The following GFRA1 variants were observed in gnomAD, a reference collection of about 807,000 sequenced individuals.
GFRA1 encodes the protein GDNF family receptor alpha 1.
A neutral mutation model predicts 51.6 loss-of-function variants in GFRA1; 16 were observed. The ratio of observed to expected loss-of-function variants is 0.31; its 90% CI spans 0.21 to 0.47. The LOEUF is 0.47. Ranked by LOEUF, GFRA1 falls within the 20% of genes least tolerant of loss-of-function variation. The pLI, the probability that GFRA1 is intolerant of heterozygous loss-of-function variation, is 1.00. For missense variants in GFRA1, 530 were observed against 594.3 expected, an observed-to-expected ratio of 0.89 and a Z score of 1.13; for synonymous variants, 270 against 241.3, an observed-to-expected ratio of 1.12 and a Z score of -1.10.
chr10:116,214,170 C>T (rs111290978), intron 4 of GFRA1, among the ~76,000 whole-genome samples: 2 of 152,184 alleles, frequency 1.3e-5, no homozygotes, highest in Non-Finnish European at 2.9e-5. Flanking sequence ...AGCCGGCACA[C>T]CTGGAGGAGC....
intron 3 of GFRA1, among the ~76,000 whole-genome samples, 162 bp from the exon 4 acceptor site, chr10:116,269,748 T>C (rs1843746399): frequency 1.3e-5 from 2 of 152,242 alleles, no homozygotes; most frequent in African/African-American, 4.8e-5. Context: ...GTTATTTCTT[T>C]TCATTCCCTC....
chr10:116,075,830 C>T (rs376490495), intron 9 of GFRA1, among the ~76,000 whole-genome samples: 2 of 152,052 alleles, frequency 1.3e-5, no homozygotes, highest in Admixed American at 6.6e-5. Context: ...CTGCAAGATC[C>T]GCCTCCCGGG....
intron 6 of GFRA1, among the ~76,000 whole-genome samples, chr10:116,103,353 C>T (rs1026784141): frequency 1.3e-5 from 2 of 152,336 alleles, no homozygotes; most frequent in East Asian, 3.9e-4. Flanking sequence ...GCTGGAAAAA[C>T]ACACAACAAG....
intron 4 of GFRA1, among the ~76,000 whole-genome samples, chr10:116,232,019 A>G (rs976071546): frequency 2.0e-5 from 3 of 152,226 alleles, no homozygotes; most frequent in East Asian, 1.9e-4. Context: ...GGAGAGAAAG[A>G]AAGGAGAAGC....
At position 116,108,363 on chromosome 10, in the gene GFRA1, C is replaced by T. The variant is rs114184248; in HGVS notation, c.771-11599G>A. Reference sequence around the variant, plus strand: ...GGAGACAGGGAATTGTGGCATTAGACGTCAAATGAATAAATCACTCCATTG... The same window carrying T: ...GGAGACAGGGAATTGTGGCATTAGATGTCAAATGAATAAATCACTCCATTG... On this transcript the variant is annotated intron_variant, in intron 6 of 10. Transcript: ENST00000355422. 4.9e-3 allele frequency among the ~76,000 whole-genome samples: 753 copies of T among 152,186 alleles called. 4 individuals carry two copies. The highest frequency in any genetic ancestry group is 5.2e-3 in the Non-Finnish European group (352 of 68,002).
chr10:116,172,964 C>G (rs1961189987), intron 5 of GFRA1, among the ~76,000 whole-genome samples: 1 of 152,198 alleles, frequency 6.6e-6, no homozygotes, highest in South Asian at 2.1e-4. Flanking sequence ...GAATATAAAA[C>G]TGACATGAAA....
intron 4 of GFRA1, among the ~76,000 whole-genome samples, chr10:116,258,437 A>G (rs1176140535): frequency 6.8e-6 from 1 of 147,886 alleles, no homozygotes; most frequent in Non-Finnish European, 1.5e-5. Context: ...TAAAATTAAT[A>G]AAATATATAA....
At chr10:116,128,423 T>TA (rs926202389) in intron 5 of GFRA1, among the ~76,000 whole-genome samples, 91 of 151,434 alleles carry the variant, frequency 6.0e-4, no homozygotes, top group Middle Eastern at 3.4e-3. Flanking sequence ...TACACAGGCT[T>TA]AAAAAAAAAT....
Position 116,064,299 on chromosome 10 carries a change from TGA to T in GFRA1, c.*97_*98del. 9.7e-7 allele frequency: 1 copy of T among 1,026,796 alleles called. No homozygotes were observed. The highest frequency in any genetic ancestry group is 1.5e-6 in the Non-Finnish European group (1 of 669,512). 63.6% of individuals were successfully genotyped at this position (1,026,796 alleles called of 1,614,324 possible). A position where few individuals can be genotyped will look rare whatever the true frequency, so the allele number is the denominator to read the frequency against. On this transcript the variant is annotated 3_prime_UTR_variant, in exon 11 of 11. Coordinates refer to ENST00000355422, the MANE Select transcript of GFRA1 (RefSeq NM_005264.8). ...CAGTTGAATGGAACTGTTTCTCAACTGAGCTCCTAAACTGGAATTTCAGCTAT... is the reference window on the plus strand; with the variant it reads ...CAGTTGAATGGAACTGTTTCTCAACTGCTCCTAAACTGGAATTTCAGCTAT...
In GFRA1 at chr10:116,058,021, T is replaced by TGTGC. The variant is rs1451726386; in HGVS notation, c.*6376_*6377insGCAC. The TGTGC allele has an allele frequency of 1.3e-4, 18 of 142,932 alleles. No individual in the cohort carries two copies. Among genetic ancestry groups the TGTGC allele is most frequent in the Non-Finnish European group, 2.5e-4 (17 of 67,834 alleles). The allele number at this position is 142,932 out of a possible 1,614,324, so 8.9% of individuals were successfully genotyped here. On this transcript the variant is annotated 3_prime_UTR_variant, in exon 11 of 11. Transcript: ENST00000355422. ...GTGTGTGTGTGTGTGTGTGTGTGTG[T>TGTGC]GTGTGTGTGTGTGTGTGTGTGACAG...
chr10:116,092,738 T>C (rs1055321814), intron 8 of GFRA1, among the ~76,000 whole-genome samples: 1 of 152,204 alleles, frequency 6.6e-6, no homozygotes, highest in African/African-American at 2.4e-5. Context: ...TATGGCAGGA[T>C]AAAACCACCT....
At chr10:116,215,680 T>C (rs1965511898) in intron 4 of GFRA1, among the ~76,000 whole-genome samples, 1 of 152,190 alleles carries the variant, frequency 6.6e-6, no homozygotes, top group Non-Finnish European at 1.5e-5. Flanking sequence ...TTGGAAATCA[T>C]GCCAGTATGG....
At chr10:116,222,856 A>G (rs74158411) in intron 4 of GFRA1, among the ~76,000 whole-genome samples, 4,680 of 152,288 alleles carry the variant, frequency 0.031, 163 homozygotes, top group African/African-American at 0.091. Context: ...AAAATATTTG[A>G]AAAAATAAAA....
At chr10:116,219,890 A>G (rs1477849319) in intron 4 of GFRA1, among the ~76,000 whole-genome samples, 1 of 152,214 alleles carries the variant, frequency 6.6e-6, no homozygotes, top group African/African-American at 2.4e-5. Flanking sequence ...TTGTCTAAAC[A>G]TCTGGATTCT....
intron 5 of GFRA1, among the ~76,000 whole-genome samples, chr10:116,183,393 T>C (rs1461906488): frequency 1.3e-5 from 2 of 152,216 alleles, no homozygotes; most frequent in Non-Finnish European, 2.9e-5. Flanking sequence ...CACAGCCCCA[T>C]GAGCTTCCCT....
chr10:116,219,748 G>A (rs1030588052), intron 4 of GFRA1, among the ~76,000 whole-genome samples: 14 of 152,178 alleles, frequency 9.2e-5, no homozygotes, highest in African/African-American at 2.9e-4. Flanking sequence ...AAGGGCTGAA[G>A]AGATGGTCCA....
intron 6 of GFRA1, among the ~76,000 whole-genome samples, chr10:116,112,890 C>T (rs768064292): frequency 6.6e-6 from 1 of 152,326 alleles, no homozygotes; most frequent in Non-Finnish European, 1.5e-5. Context: ...ACGAGCTGGG[C>T]GCAAGGCAGG....
chr10:116,219,774 T>A (rs12761999), intron 4 of GFRA1, among the ~76,000 whole-genome samples: 55,714 of 152,202 alleles, frequency 0.37, 12,176 homozygotes, highest in East Asian at 0.55. Flanking sequence ...CAGAAGAAAT[T>A]ACGTTATAGC....
At chr10:116,104,678 G>A (rs1445070065) in intron 6 of GFRA1, among the ~76,000 whole-genome samples, 1 of 152,182 alleles carries the variant, frequency 6.6e-6, no homozygotes, top group Non-Finnish European at 1.5e-5. Context: ...GGAAGTCTAG[G>A]TTGGCATCTG....
Sources: gnomAD v4.1 joint callset for allele counts (sites outside exome capture counted in the v4.1 genomes callset) on GRCh38, gnomAD v4.1.1 for gene constraint, MANE v1.5 for transcripts, NCBI Gene and HGNC (gene_info 2026-07-23, HGNC 2026-07-21) for gene names.